NTRK2: variants seen among roughly 807,000 people sequenced by gnomAD.
NTRK2 encodes BDNF/NT-3 growth factors receptor.
In NTRK2, 13 loss-of-function variants were observed where a neutral mutation model predicts 94.5. The observed-to-expected ratio is 0.14, with a 90% CI of 0.09 to 0.22. The LOEUF is 0.22. Among genes scored for constraint, NTRK2 ranks in the 10% least tolerant of loss-of-function variants. The probability of loss-of-function intolerance (pLI) is 1.00; values close to 1 mark genes in which losing one functional copy is unlikely to be tolerated. For missense variants in NTRK2, 639 were observed against 1,071.2 expected, an observed-to-expected ratio of 0.60 and a Z score of 5.63; for synonymous variants, 372 against 407.4, an observed-to-expected ratio of 0.91 and a Z score of 1.05.
At chr9:84,939,750 A>G (rs1192926190) in intron 15 of NTRK2, among the ~76,000 whole-genome samples, 1 of 152,168 alleles carries the variant, frequency 6.6e-6, no homozygotes, top group East Asian at 1.9e-4. Flanking sequence ...ATTGGCTTCT[A>G]GAAATCCATG....
At chr9:85,012,993 T>G (rs996038329) in intron 17 of NTRK2, among the ~76,000 whole-genome samples, 13 of 152,184 alleles carry the variant, frequency 8.5e-5, no homozygotes, top group Non-Finnish European at 1.6e-4. Flanking sequence ...GTGACCAGAT[T>G]GAAAGATGTT....
At chr9:84,840,265 CTTT>C (rs1158579395) in intron 12 of NTRK2, among the ~76,000 whole-genome samples, 1,460 of 101,832 alleles carry the variant, frequency 0.014, 31 homozygotes, top group African/African-American at 0.05. Flanking sequence ...ATTGACAATT[CTTT>C]TTTTTTTTTT....
chr9:84,750,673 C>T (rs898417567), intron 11 of NTRK2, among the ~76,000 whole-genome samples: 1 of 152,148 alleles, frequency 6.6e-6, no homozygotes, highest in Non-Finnish European at 1.5e-5. Flanking sequence ...TCCTTAGTTG[C>T]GACAGAGACT....
chr9:84,810,935 A>G (rs2071711485), intron 12 of NTRK2: 1 of 1,160,126 alleles, frequency 8.6e-7, no homozygotes, highest in Non-Finnish European at 1.1e-6. Context: ...CCTACTGGAC[A>G]TTTATTGACT....
Position 85,025,088 on chromosome 9 carries a change from A to G in NTRK2, c.*3651A>G, listed in dbSNP as rs1832969942. On this transcript the variant is annotated 3_prime_UTR_variant, in exon 19 of 19. Coordinates refer to ENST00000277120, the MANE Select transcript of NTRK2 (RefSeq NM_006180.6). ...AACTGTTTAACGTCATGTTGCTGTT[A>G]GTGCTTCCATACTCCACGTGGGTAG... 4 of 233,050 alleles carry G rather than the reference A, an allele frequency of 1.7e-5. No homozygotes were observed. In the Admixed American group the frequency reaches 2.2e-4, roughly 13 times the overall value. The allele number at this position is 233,050 out of a possible 1,614,324, so 14.4% of individuals were successfully genotyped here.
At chr9:85,002,830 T>C (rs1278049436) in intron 17 of NTRK2, among the ~76,000 whole-genome samples, 1 of 152,148 alleles carries the variant, frequency 6.6e-6, no homozygotes, top group Non-Finnish European at 1.5e-5. Context: ...AATCTCACCA[T>C]GTCTTGACCA....
At chr9:84,985,509 T>A (rs928812128) in intron 17 of NTRK2, among the ~76,000 whole-genome samples, 11 of 152,240 alleles carry the variant, frequency 7.2e-5, no homozygotes, top group African/African-American at 1.9e-4. Context: ...TGTTAATCGC[T>A]GGTAGCCTGA....
At chr9:84,829,044 G>A (rs1167306916) in intron 12 of NTRK2, among the ~76,000 whole-genome samples, 1 of 151,972 alleles carries the variant, frequency 6.6e-6, no homozygotes, top group Non-Finnish European at 1.5e-5. Flanking sequence ...TGTCACCCAG[G>A]CTGGAGTGCA....
intron 14 of NTRK2, chr9:84,872,621 A>G (rs1324818824): frequency 8.5e-6 from 9 of 1,063,612 alleles, no homozygotes; most frequent in Middle Eastern, 4.1e-4. Context: ...TTTTCAACTT[A>G]ATTCCATTTC....
chr9:84,693,868 G>A (rs1187343), intron 2 of NTRK2, among the ~76,000 whole-genome samples: 105,712 of 152,068 alleles, frequency 0.7, 37,290 homozygotes, highest in East Asian at 0.83. Flanking sequence ...GTAAATGCCC[G>A]GAGTATTTGG....
chr9:84,860,674 A>G (rs932506994), intron 12 of NTRK2, among the ~76,000 whole-genome samples: 1 of 152,170 alleles, frequency 6.6e-6, no homozygotes, highest in African/African-American at 2.4e-5. Context: ...ATACAAGGCA[A>G]TGATCTCTCC....
intron 12 of NTRK2, among the ~76,000 whole-genome samples, chr9:84,797,934 AG>A (rs2069814177): frequency 7.3e-6 from 1 of 136,892 alleles, no homozygotes; most frequent in South Asian, 2.1e-4. Flanking sequence ...ATTTACTATT[AG>A]TAAAATATAT....
At position 84,710,716 on chromosome 9, in the gene NTRK2, G is replaced by T; in HGVS notation, c.508G>T (p.Asp170Tyr). 2 of 1,614,062 alleles carry T rather than the reference G, an allele frequency of 1.2e-6. No homozygotes were observed. Among genetic ancestry groups the T allele is most frequent in the Non-Finnish European group, 8.5e-7 (1 of 1,179,926 alleles). The change falls in exon 6 of 19, where the codon GAC becomes TAC. Residue 170 changes from aspartate (D) to tyrosine (Y), a missense_variant. Transcript: ENST00000277120. The stretch of plus-strand genomic sequence containing the variant: ...TCTCCAAGAGGCTAAATCCAGTCCA[G>T]ACACTCAGGATTTGTACTGCCTGAA... ...KTLQEAKSSPDTQDLYCLNES... is the reference protein window; with the variant it reads ...KTLQEAKSSPYTQDLYCLNES...
chr9:84,725,996 C>A (rs563429359), intron 8 of NTRK2, among the ~76,000 whole-genome samples: 9 of 152,216 alleles, frequency 5.9e-5, no homozygotes, highest in African/African-American at 2.2e-4. Context: ...TTTGCTTCTT[C>A]CTAGGTAGTA....
At chr9:84,964,338 T>G (rs578164438) in intron 17 of NTRK2, among the ~76,000 whole-genome samples, 3 of 152,250 alleles carry the variant, frequency 2.0e-5, no homozygotes, top group Non-Finnish European at 4.4e-5. Context: ...AAGATCCTCC[T>G]GTGTACTCTG....
chr9:84,853,031 T>G (rs898773857), intron 12 of NTRK2, among the ~76,000 whole-genome samples: 13 of 152,104 alleles, frequency 8.5e-5, no homozygotes, highest in Non-Finnish European at 1.6e-4. Context: ...CCTTTTCTCT[T>G]AAGATGAGGA....
At chr9:84,813,603 C>T (rs1196690563) in intron 12 of NTRK2, 4 of 1,065,860 alleles carry the variant, frequency 3.8e-6, no homozygotes, top group South Asian at 4.5e-5. Context: ...TTGCTCCTCT[C>T]CTGTGATTCC....
intron 6 of NTRK2, among the ~76,000 whole-genome samples, chr9:84,720,728 G>T (rs73482797): frequency 0.022 from 3,417 of 152,176 alleles, 150 homozygotes; most frequent in African/African-American, 0.078. Flanking sequence ...TTCAAGAAAT[G>T]ATTATAAATA....
intron 14 of NTRK2, chr9:84,874,830 A>G (rs201144189): frequency 9.5e-7 from 1 of 1,057,906 alleles, no homozygotes; most frequent in Non-Finnish European, 1.1e-6. Context: ...TGTTATGTGA[A>G]ACTTTCATTT....
Sources: gnomAD v4.1 joint callset for allele counts (sites outside exome capture counted in the v4.1 genomes callset) on GRCh38, gnomAD v4.1.1 for gene constraint, MANE v1.5 for transcripts, NCBI Gene and HGNC (gene_info 2026-07-23, HGNC 2026-07-21) for gene names.